Variants in MCTP2 observed in about 807,000 individuals in gnomAD.
MCTP2 encodes the protein multiple C2 and transmembrane domain-containing protein 2.
A neutral mutation model predicts 111.6 loss-of-function variants in MCTP2; 132 were observed. The observed-to-expected ratio is 1.18, with a 90% CI of 1.03 to 1.37. The LOEUF (loss-of-function observed/expected upper bound fraction) is 1.37. MCTP2 is among the 40% of genes most tolerant of loss of function. The probability of loss-of-function intolerance (pLI) is 0.00; values close to 1 mark genes in which losing one functional copy is unlikely to be tolerated. For synonymous variants in MCTP2, 395 were observed against 387.7 expected, an observed-to-expected ratio of 1.02 and a Z score of -0.22; for missense variants, 1,183 against 1,067.9, an observed-to-expected ratio of 1.11 and a Z score of -1.50.
intron 12 of MCTP2, among the ~76,000 whole-genome samples, chr15:94,373,978 C>G (rs1302623189): frequency 6.6e-6 from 1 of 152,186 alleles, no homozygotes; most frequent in East Asian, 1.9e-4. Context: ...ATACTTCACT[C>G]AGCTACTGCT....
At chr15:94,343,529 G>A (rs955185953) in intron 7 of MCTP2, 1 of 152,054 alleles carries the variant, frequency 6.6e-6, no homozygotes, top group Non-Finnish European at 1.5e-5. Flanking sequence ...ATTTACTCTT[G>A]TGTCCAGGGA....
chr15:94,390,132 A>ATATATG (rs1358369611), intron 14 of MCTP2, among the ~76,000 whole-genome samples: 12 of 90,468 alleles, frequency 1.3e-4, no homozygotes, highest in African/African-American at 4.5e-4. Context: ...ATATATATAT[A>ATATATG]CTTAGATGTT....
intron 9 of MCTP2, among the ~76,000 whole-genome samples, chr15:94,357,595 G>C (rs1471091690): frequency 6.8e-6 from 1 of 147,902 alleles, no homozygotes; most frequent in Non-Finnish European, 1.5e-5. Context: ...TCTAAATTCT[G>C]TGATCCAATA....
At chr15:94,383,690 C>G (rs548731088) in intron 12 of MCTP2, among the ~76,000 whole-genome samples, 1 of 152,096 alleles carries the variant, frequency 6.6e-6, no homozygotes, top group African/African-American at 2.4e-5. Flanking sequence ...TGGGGGAAAC[C>G]GCCCCCATGA....
intron 17 of MCTP2, among the ~76,000 whole-genome samples, chr15:94,423,037 T>G (rs1320641286): frequency 6.6e-6 from 1 of 152,170 alleles, no homozygotes; most frequent in Non-Finnish European, 1.5e-5. Context: ...TGTTTAGCAT[T>G]GAGCCTAACG....
rs1034631911 is a variant in MCTP2 at position 94,284,409 on chromosome 15, A to T, written c.-65-13792A>T. Among the ~76,000 whole-genome samples, 8 of 152,340 alleles carry T rather than the reference A, an allele frequency of 5.3e-5. No individual in the cohort carries two copies. In the South Asian group the frequency reaches 8.3e-4, roughly 16 times the overall value. ...AAATCCTTTTGTAGTGGTATAATAGAGTTAAGCATCTTAAGTAACCATCTG... is the reference window on the plus strand; with the variant it reads ...AAATCCTTTTGTAGTGGTATAATAGTGTTAAGCATCTTAAGTAACCATCTG... On this transcript the variant is annotated intron_variant, in intron 1 of 22. Transcript: ENST00000357742.
chr15:94,435,519 G>A (rs2083421592), intron 17 of MCTP2, among the ~76,000 whole-genome samples: 2 of 151,428 alleles, frequency 1.3e-5, no homozygotes, highest in Non-Finnish European at 1.5e-5. Context: ...TTATACCATG[G>A]ACTTTGCTGA....
chr15:94,275,197 T>C (rs973996554), intron 1 of MCTP2, among the ~76,000 whole-genome samples: 6 of 152,180 alleles, frequency 3.9e-5, no homozygotes, highest in Non-Finnish European at 5.9e-5. Context: ...ACAGAAAACA[T>C]AATTAAATGA....
chr15:94,269,940 C>T (rs2073817811), intron 1 of MCTP2, among the ~76,000 whole-genome samples: 1 of 152,092 alleles, frequency 6.6e-6, no homozygotes, highest in African/African-American at 2.4e-5. Context: ...TTTCACTTAT[C>T]CATCTATATT....
chr15:94,356,180 A>G lies in MCTP2; in HGVS notation c.1049A>G (p.Lys350Arg), dbSNP rs751794240. The G allele has an allele frequency of 6.2e-7, 1 of 1,612,642 alleles. No homozygotes were observed. Among genetic ancestry groups the G allele is most frequent in the East Asian group, 2.2e-5 (1 of 44,794 alleles). The change falls in exon 9 of 23, where the codon AAG becomes AGG. Residue 350 changes from lysine to arginine, a missense_variant. Transcript: ENST00000357742. Reference sequence around the variant, plus strand: ...CTACGGCTCTCTGAGTCCTTGAAAAAGAACCAACTCTGGAACGGGATTATA... The same window carrying G: ...CTACGGCTCTCTGAGTCCTTGAAAAGGAACCAACTCTGGAACGGGATTATA... ...RNLRLSESLKKNQLWNGIISI... is the reference protein window; with the variant it reads ...RNLRLSESLKRNQLWNGIISI...
intron 1 of MCTP2, among the ~76,000 whole-genome samples, chr15:94,288,214 T>G (rs892804731): frequency 1.3e-5 from 2 of 152,200 alleles, no homozygotes; most frequent in African/African-American, 2.4e-5. Flanking sequence ...AGATGTAGGT[T>G]GTTCCCGATT....
At chr15:94,245,496 A>T (rs1322115277) in intron 1 of MCTP2, among the ~76,000 whole-genome samples, 2 of 140,716 alleles carry the variant, frequency 1.4e-5, no homozygotes, top group Non-Finnish European at 3.0e-5. Context: ...ACATGTATGT[A>T]TTTATATATG....
chr15:94,364,936 C>T (rs2079111619), intron 10 of MCTP2, among the ~76,000 whole-genome samples: 2 of 152,048 alleles, frequency 1.3e-5, no homozygotes, highest in Admixed American at 1.3e-4. Flanking sequence ...TTTCTGTCTC[C>T]CGTCTTTCCT....
At chr15:94,467,422 T>TA (rs60874772) in intron 20 of MCTP2, among the ~76,000 whole-genome samples, 10 of 151,880 alleles carry the variant, frequency 6.6e-5, no homozygotes, top group South Asian at 6.2e-4. Context: ...ACTTTTATTA[T>TA]AATAATCAAA....
chr15:94,413,569 A>AGC (rs2082250036), intron 17 of MCTP2, among the ~76,000 whole-genome samples: 1 of 149,242 alleles, frequency 6.7e-6, no homozygotes, highest in Non-Finnish European at 1.5e-5. Flanking sequence ...CATGACGCTG[A>AGC]GTGTGTGTGT....
chr15:94,400,650 C>T (rs2081533984), intron 16 of MCTP2, among the ~76,000 whole-genome samples: 3 of 150,362 alleles, frequency 2.0e-5, no homozygotes. Context: ...TTTCAGAGTC[C>T]CTCCCTGTTG....
chr15:94,459,833 C>T (rs371430139), intron 20 of MCTP2, among the ~76,000 whole-genome samples: 6 of 152,208 alleles, frequency 3.9e-5, no homozygotes, highest in African/African-American at 7.2e-5. Flanking sequence ...CAACTGTTAT[C>T]GCATGCCAGC....
chr15:94,469,122 A>G (rs1034403147), intron 20 of MCTP2, among the ~76,000 whole-genome samples: 8 of 152,234 alleles, frequency 5.3e-5, no homozygotes, highest in African/African-American at 1.9e-4. Flanking sequence ...AAAATGCTTA[A>G]TAACTTTGTG....
chr15:94,370,034 T>A, intron 11 of MCTP2, 53 bp from the exon 12 acceptor site: 2 of 1,194,518 alleles, frequency 1.7e-6, no homozygotes, highest in Non-Finnish European at 2.4e-6. Flanking sequence ...TTTATGACAT[T>A]AAGTAGTATA....
Sources: gnomAD v4.1 joint callset for allele counts (sites outside exome capture counted in the v4.1 genomes callset) on GRCh38, gnomAD v4.1.1 for gene constraint, MANE v1.5 for transcripts, NCBI Gene and HGNC (gene_info 2026-07-23, HGNC 2026-07-21) for gene names.